Variants in XPR1 observed in about 807,000 individuals in gnomAD.
XPR1 encodes the protein solute carrier family 53 member 1.
In XPR1, 28 loss-of-function variants were observed where a neutral mutation model predicts 87.5. The ratio of observed to expected loss-of-function variants is 0.32; its 90% CI spans 0.24 to 0.44. The LOEUF (loss-of-function observed/expected upper bound fraction) is 0.44, where lower values mean the gene tolerates loss of function less well. Among genes scored for constraint, XPR1 ranks in the 20% least tolerant of loss-of-function variants. The pLI is 1.00. For synonymous variants in XPR1, 300 were observed against 306.1 expected, an observed-to-expected ratio of 0.98 and a Z score of 0.21; for missense variants, 559 against 862.3, an observed-to-expected ratio of 0.65 and a Z score of 4.41.
chr1:180,845,148 TTAAAA>T (rs1419720284), intron 11 of XPR1, among the ~76,000 whole-genome samples: 1 of 152,134 alleles, frequency 6.6e-6, no homozygotes, highest in Admixed American at 6.5e-5. Flanking sequence ...GAAATATAAA[TTAAAA>T]TAATATTTAA....
chr1:180,756,452 A>G (rs12143915), intron 2 of XPR1, among the ~76,000 whole-genome samples: 53,223 of 151,978 alleles, frequency 0.35, 9,682 homozygotes, highest in Non-Finnish European at 0.39. Flanking sequence ...GGATAAGTCT[A>G]TTCACATCCT....
intron 2 of XPR1, among the ~76,000 whole-genome samples, chr1:180,718,184 G>A (rs937008507): frequency 6.6e-6 from 1 of 152,148 alleles, no homozygotes; most frequent in African/African-American, 2.4e-5. Flanking sequence ...TTGATGATAG[G>A]TGCTGTGTTT....
chr1:180,739,796 A>C (rs1169458909), intron 2 of XPR1, among the ~76,000 whole-genome samples: 1 of 152,062 alleles, frequency 6.6e-6, no homozygotes, highest in Non-Finnish European at 1.5e-5. Flanking sequence ...GCTGGAGTTC[A>C]GTAGCATGAT....
intron 2 of XPR1, among the ~76,000 whole-genome samples, chr1:180,733,074 C>T (rs777752006): frequency 7.2e-5 from 11 of 152,172 alleles, no homozygotes; most frequent in Non-Finnish European, 1.3e-4. Flanking sequence ...GACGTCCAGC[C>T]GCCTGTGTGT....
chr1:180,696,299 A>AT (rs1227566616), intron 2 of XPR1, among the ~76,000 whole-genome samples: 2 of 147,896 alleles, frequency 1.4e-5, no homozygotes, highest in Non-Finnish European at 3.0e-5. Context: ...AACCCTACTG[A>AT]TTTTTTGTAT....
At chr1:180,668,040 T>C (rs78792731) in intron 1 of XPR1, among the ~76,000 whole-genome samples, 40 of 152,060 alleles carry the variant, frequency 2.6e-4, no homozygotes, top group East Asian at 2.3e-3. Context: ...GAACCCACTT[T>C]TGGTTTCATT....
intron 1 of XPR1, among the ~76,000 whole-genome samples, chr1:180,648,624 A>G (rs886420727): frequency 5.3e-5 from 8 of 152,138 alleles, no homozygotes; most frequent in African/African-American, 1.9e-4. Context: ...CCCCTGCCTC[A>G]GCCTCCTGAG....
Position 180,744,650 on chromosome 1 carries a change from C to CTTTTTTTTTTTTTTTTT in XPR1, c.122-43100_122-43099insTTTTTTTTTTTTTTTTT, listed in dbSNP as rs200044209. Reference sequence around the variant, plus strand: ...ACTTGTTCAGGTTTAGGCACAATTTCTTTCTTTTTTTTTTTTTTGAGACAG... The same window carrying CTTTTTTTTTTTTTTTTT: ...ACTTGTTCAGGTTTAGGCACAATTTCTTTTTTTTTTTTTTTTTTTTCTTTTTTTTTTTTTTGAGACAG... On this transcript the variant is annotated intron_variant, in intron 2 of 14. Coordinates refer to ENST00000367590, the MANE Select transcript of XPR1 (RefSeq NM_004736.4). Among the ~76,000 whole-genome samples, 100 of 56,940 alleles carry CTTTTTTTTTTTTTTTTT rather than the reference C, an allele frequency of 1.8e-3. 15 individuals carry two copies. The highest frequency in any genetic ancestry group is 4.7e-3 in the African/African-American group (80 of 17,132). 37.4% of individuals were successfully genotyped at this position (56,940 alleles called of 152,430 possible).
At chr1:180,632,854 A>ATAT (rs1028927727) in intron 1 of XPR1, among the ~76,000 whole-genome samples, 2 of 152,214 alleles carry the variant, frequency 1.3e-5, no homozygotes, top group Non-Finnish European at 2.9e-5. Context: ...AGTGTGTATC[A>ATAT]CATATGTAGT....
intron 7 of XPR1, among the ~76,000 whole-genome samples, chr1:180,813,495 T>C (rs1451893189): frequency 6.6e-6 from 1 of 152,220 alleles, no homozygotes; most frequent in African/African-American, 2.4e-5. Context: ...TGATCTCTTT[T>C]TCCACTGGAA....
chr1:180,844,621 A>G (rs1002790519), intron 11 of XPR1, among the ~76,000 whole-genome samples: 1 of 152,222 alleles, frequency 6.6e-6, no homozygotes, highest in African/African-American at 2.4e-5. Flanking sequence ...GCTTTAATCC[A>G]TTCTTGCTTA....
intron 1 of XPR1, among the ~76,000 whole-genome samples, chr1:180,649,200 C>T (rs996441872): frequency 5.9e-5 from 9 of 151,492 alleles, no homozygotes; most frequent in Non-Finnish European, 7.4e-5. Flanking sequence ...CTGAGGTGGG[C>T]GGATCACGAG....
chr1:180,785,011 T>TGTG (rs1649083957), intron 2 of XPR1, among the ~76,000 whole-genome samples: 29 of 136,392 alleles, frequency 2.1e-4, no homozygotes, highest in South Asian at 1.2e-3. Flanking sequence ...GTGTGTGTGT[T>TGTG]TGTGTGTGTG....
In XPR1 at chr1:180,787,441, A is replaced by G. The variant is rs371646997; in HGVS notation, c.122-312A>G. 7.9e-5 allele frequency among the ~76,000 whole-genome samples: 12 copies of G among 152,016 alleles called. No homozygotes were observed. In the East Asian group the frequency reaches 1.2e-3, roughly 15 times the overall value. ...ATTACAGGCACCCACCACCACACCC[A>G]GCTAATTTTTATATTTTTAGTAGAG... On this transcript the variant is annotated intron_variant, in intron 2 of 14. Transcript: ENST00000367590.
intron 1 of XPR1, among the ~76,000 whole-genome samples, chr1:180,665,929 T>C (rs1655945047): frequency 6.6e-6 from 1 of 152,192 alleles, no homozygotes; most frequent in Admixed American, 6.5e-5. Flanking sequence ...GAGGCTTCTG[T>C]TCTACCATCT....
chr1:180,683,138 C>G (rs1008312543), intron 2 of XPR1, among the ~76,000 whole-genome samples: 1 of 146,054 alleles, frequency 6.8e-6, no homozygotes, highest in Non-Finnish European at 1.5e-5. Context: ...ACAACAGTCC[C>G]TGGTGTGTGA....
intron 11 of XPR1, among the ~76,000 whole-genome samples, chr1:180,844,784 C>T (rs1018120701): frequency 1.4e-4 from 22 of 152,250 alleles, no homozygotes; most frequent in Admixed American, 1.4e-3. Flanking sequence ...ATTGAAAGAG[C>T]AGCCACTTAG....
At chr1:180,803,313 A>T in intron 3 of XPR1, 75 bp from the exon 4 acceptor site, 4 of 1,351,676 alleles carry the variant, frequency 3.0e-6, no homozygotes, top group Non-Finnish European at 4.0e-6. Flanking sequence ...AGCAAATGGG[A>T]ATTATTAAAA....
intron 2 of XPR1, among the ~76,000 whole-genome samples, chr1:180,704,883 C>G (rs1411729628): frequency 1.6e-5 from 2 of 128,772 alleles, no homozygotes; most frequent in East Asian, 2.5e-4. Context: ...ACACCACATA[C>G]TGGACACTGC....
Sources: allele counts gnomAD v4.1 joint callset (sites outside exome capture counted in the v4.1 genomes callset), GRCh38; gene constraint gnomAD v4.1.1; transcripts MANE v1.5; gene names NCBI Gene and HGNC (gene_info 2026-07-23, HGNC 2026-07-21).